The following WDR4 variants were observed in gnomAD, a reference collection of about 807,000 sequenced individuals.
The protein encoded by WDR4 is WDR4 tRNA N7-guanosine methyltransferase non-catalytic subunit, also known as tRNA (guanine-N(7)-)-methyltransferase non-catalytic subunit WDR4.
Under a neutral mutation model 48.6 loss-of-function variants are expected in WDR4, and 47 were observed. That is an observed-to-expected ratio of 0.97 (90% CI 0.77 to 1.23). WDR4 has a LOEUF of 1.23. Ranked by LOEUF, WDR4 falls within the 50% of genes most tolerant of loss-of-function variation. WDR4 has a pLI of 0.00. For missense variants in WDR4, 606 were observed against 551.6 expected (o/e 1.10, Z -0.99); for synonymous variants, 268 against 230.0 (o/e 1.17, Z -1.49).
At chr21:42,888,509 G>A in the WDR4 span, among the ~76,000 whole-genome samples, 4 of 151,846 alleles carry the variant, frequency 2.6e-5, no homozygotes, top group Non-Finnish European at 5.9e-5. Context: ...GCAGTGAGCC[G>A]AGATAGAGCC....
At chr21:42,877,766 C>T (rs1254008161) in intron 1 of WDR4, among the ~76,000 whole-genome samples, 1 of 151,994 alleles carries the variant, frequency 6.6e-6, no homozygotes, top group African/African-American at 2.4e-5. Flanking sequence ...AATTACGGGC[C>T]GGGCGCGGTG....
At chr21:42,863,362 T>C (rs770177986) in intron 4 of WDR4, 78 bp downstream of exon 4, 2 of 1,521,464 alleles carry the variant, frequency 1.3e-6, no homozygotes, top group Non-Finnish European at 1.8e-6. Context: ...TGACTCAGCG[T>C]ATGCCCCACG....
intron 2 of WDR4, 86 bp from the exon 3 acceptor site, chr21:42,873,777 A>G (rs1340290399): frequency 2.7e-6 from 4 of 1,505,842 alleles, no homozygotes; most frequent in African/African-American, 1.4e-5. Context: ...AATTTCTAAC[A>G]TGGGAGGAGG....
chr21:42,871,872 G>A (rs980638944), intron 3 of WDR4, among the ~76,000 whole-genome samples: 4 of 152,140 alleles, frequency 2.6e-5, no homozygotes, highest in Admixed American at 6.5e-5. Flanking sequence ...AGTAAAACCC[G>A]TATACACAAA....
At chr21:42,889,367 C>T in the WDR4 span, among the ~76,000 whole-genome samples, 1 of 152,156 alleles carries the variant, frequency 6.6e-6, no homozygotes, top group African/African-American at 2.4e-5. Flanking sequence ...TAAGAATAGG[C>T]CTTGAGACAT....
the WDR4 span, among the ~76,000 whole-genome samples, chr21:42,891,003 T>C: frequency 6.6e-6 from 1 of 152,126 alleles, no homozygotes; most frequent in Admixed American, 6.6e-5. Context: ...TAGTTACCTT[T>C]CGAGGCCCTA....
intron 5 of WDR4, among the ~76,000 whole-genome samples, chr21:42,860,506 C>G (rs970451080): frequency 5.3e-5 from 8 of 152,258 alleles, no homozygotes; most frequent in African/African-American, 1.9e-4. Context: ...TCCCGGGGAC[C>G]CTGGAATGGG....
chr21:42,846,710 G>A (rs1396799203), downstream of WDR4, among the ~76,000 whole-genome samples: 3 of 151,980 alleles, frequency 2.0e-5, no homozygotes, highest in Non-Finnish European at 4.4e-5. Flanking sequence ...GAGACCGTCT[G>A]GAAGAAAGTG....
downstream of WDR4, among the ~76,000 whole-genome samples, chr21:42,848,102 T>C (rs549380428): frequency 6.6e-5 from 10 of 152,298 alleles, no homozygotes; most frequent in South Asian, 1.2e-3. Flanking sequence ...TATGAAAAAT[T>C]TGAAGCATTC....
chr21:42,866,764 G>C (rs148793542), intron 3 of WDR4, among the ~76,000 whole-genome samples: 1 of 152,004 alleles, frequency 6.6e-6, no homozygotes, highest in African/African-American at 2.4e-5. Flanking sequence ...TTCTCACTGA[G>C]AGAAAGGGTA....
upstream of WDR4, among the ~76,000 whole-genome samples, chr21:42,882,956 G>A (rs368330261): frequency 6.6e-5 from 10 of 152,178 alleles, no homozygotes; most frequent in East Asian, 9.7e-4. Flanking sequence ...AAAATTAGCC[G>A]GGCATGGTGG....
rs1355483755 is a variant in WDR4, at chr21:42,853,713, T to C, written c.831A>G (p.Arg277=). The C allele has an allele frequency of 7.7e-6, 12 of 1,566,980 alleles. No homozygotes were observed. The highest frequency in any genetic ancestry group is 1.7e-4 in the Middle Eastern group (1 of 6,006). Residue 277 remains arginine (R), a synonymous_variant, in exon 9 of 11, where the codon AGA becomes AGG. Transcript: ENST00000398208. The part of the protein sequence containing the change: ...VVYIFQLDAR[R]QQLVYRQQLA... The stretch of plus-strand genomic sequence containing the variant: ...GCTGCTGCCTGTACACCAACTGCTG[T>C]CTGCGGGCGTCCAGCTGGAAGATGT...
At position 42,863,658 on chromosome 21, in the gene WDR4, T is replaced by C. The variant is rs1430008283; in HGVS notation, c.297-62A>G. ...GAGCAGCGCAGGGTCCTCGACAGCCTGGCAGGCCACGTGGGCGGTGGCAGG... is the reference window on the plus strand; with the variant it reads ...GAGCAGCGCAGGGTCCTCGACAGCCCGGCAGGCCACGTGGGCGGTGGCAGG... On this transcript the variant is annotated intron_variant, in intron 3 of 10. Transcript: ENST00000398208. 9.1e-6 allele frequency: 14 copies of C among 1,542,686 alleles called. No individual in the cohort carries two copies. The Admixed American group carries it at 2.7e-4, about 30-fold the overall frequency.
At chr21:42,854,499 C>T (rs986810355) in intron 8 of WDR4, 63 bp downstream of exon 8, 20 of 1,551,032 alleles carry the variant, frequency 1.3e-5, no homozygotes, top group East Asian at 4.6e-5. Flanking sequence ...GTGGCCAACC[C>T]GCTAACTCTT....
intron 6 of WDR4, among the ~76,000 whole-genome samples, chr21:42,857,756 C>G (rs549624929): frequency 1.3e-5 from 2 of 151,948 alleles, no homozygotes; most frequent in African/African-American, 4.8e-5. Context: ...AGAAGTAAGA[C>G]TATTCCTAAA....
rs1294386585 is a variant in WDR4, at chr21:42,862,090, C to G, written c.566+192G>C. 6.6e-6 allele frequency among the ~76,000 whole-genome samples: 1 copy of G among 152,216 alleles called. No individual in the cohort carries two copies. The highest frequency in any genetic ancestry group is 1.5e-5 in the Non-Finnish European group (1 of 68,040). ...CTGGCACAGACTCCGGGTAACAGCG[C>G]AGAGTGAACCCCACCCTTTCAGGGC... On this transcript the variant is annotated intron_variant, in intron 5 of 10. Coordinates refer to ENST00000398208, the MANE Select transcript of WDR4 (RefSeq NM_018669.6). The surrounding 1 kb of genome is among the most constrained non-coding windows in gnomAD (Gnocchi z 4.3).
rs61729406 is a variant in WDR4 at position 42,853,653 on chromosome 21, G to T, written c.891C>A (p.Phe297Leu). Reference sequence around the variant, plus strand: ...GCACCCACAGCCCCTGGGTCTCCTCGAAAGCCACGTCCCACACTTGGTGCT... The same window carrying T: ...GCACCCACAGCCCCTGGGTCTCCTCTAAAGCCACGTCCCACACTTGGTGCT... ...AFQHQVWDVAFEETQGLWVLQ... is the reference protein window; with the variant it reads ...AFQHQVWDVALEETQGLWVLQ... Residue 297 changes from phenylalanine to leucine, a missense_variant, in exon 9 of 11, where the codon TTC becomes TTA. Physicochemically the swap from Phe to Leu is conservative, Grantham distance 22. Transcript: ENST00000398208. 2 of 1,601,132 alleles carry T rather than the reference G, an allele frequency of 1.2e-6. No homozygotes were observed. The highest frequency in any genetic ancestry group is 1.7e-6 in the Non-Finnish European group (2 of 1,175,168).
intron 9 of WDR4, among the ~76,000 whole-genome samples, 157 bp from the exon 10 acceptor site, chr21:42,852,481 GC>G (rs1437051552): frequency 6.6e-6 from 1 of 152,244 alleles, no homozygotes; most frequent in Non-Finnish European, 1.5e-5. Context: ...TGGGGAGGCA[GC>G]CCCCGCAGCT....
chr21:42,871,329 G>A (rs2058365139), intron 3 of WDR4, among the ~76,000 whole-genome samples: 1 of 152,202 alleles, frequency 6.6e-6, no homozygotes, highest in Admixed American at 6.5e-5. Context: ...TCAACACTGA[G>A]AGGTGAAAAC....
Sources: gnomAD v4.1 joint callset for allele counts (sites outside exome capture counted in the v4.1 genomes callset) on GRCh38, gnomAD v4.1.1 for gene constraint, Gnocchi (gnomAD v3.1) non-coding constraint, MANE v1.5 for transcripts, NCBI Gene and HGNC (gene_info 2026-07-23, HGNC 2026-07-21) for gene names.